Variants in OGDH observed in about 807,000 individuals in gnomAD.
The protein encoded by OGDH is oxoglutarate dehydrogenase.
A neutral mutation model predicts 116.6 loss-of-function variants in OGDH; 38 were observed. That is an observed-to-expected ratio of 0.33 (90% CI 0.25 to 0.43). OGDH has a LOEUF of 0.43. Among genes scored for constraint, OGDH ranks in the 20% least tolerant of loss-of-function variants. OGDH has a pLI of 1.00. For synonymous variants in OGDH, 488 were observed against 533.3 expected, an observed-to-expected ratio of 0.92 and a Z score of 1.17; for missense variants, 825 against 1,357.2, an observed-to-expected ratio of 0.61 and a Z score of 6.16.
chr7:44,647,487 G>A (rs1230189427), intron 3 of OGDH, 170 bp from the exon 4 acceptor site: 3 of 1,539,578 alleles, frequency 1.9e-6, no homozygotes, highest in Non-Finnish European at 2.6e-6. Context: ...CTCGGAATTA[G>A]TTGTGTAAAT....
At chr7:44,641,803 A>C (rs1785955681) in intron 2 of OGDH, among the ~76,000 whole-genome samples, 1 of 152,218 alleles carries the variant, frequency 6.6e-6, no homozygotes, top group Non-Finnish European at 1.5e-5. Flanking sequence ...GAAAAGCTCC[A>C]TGAAGTCAGA....
At chr7:44,635,893 T>TG (rs1397601274) in intron 2 of OGDH, among the ~76,000 whole-genome samples, 1 of 151,974 alleles carries the variant, frequency 6.6e-6, no homozygotes, top group Non-Finnish European at 1.5e-5. Flanking sequence ...TTAGTAGAGA[T>TG]GGGGTTTCAC....
chr7:44,687,437 C>CTTTAA (rs1397265412), intron 10 of OGDH, among the ~76,000 whole-genome samples: 5 of 151,394 alleles, frequency 3.3e-5, no homozygotes, highest in Non-Finnish European at 7.4e-5. Flanking sequence ...AATTTTTAGA[C>CTTTAA]AGGTTCTTAA....
rs534924097 is a variant in OGDH at position 44,639,610 on chromosome 7, C to T, written c.223-5717C>T. ...GCCAAATGTGTGCAGTCACTACACT[C>T]GATACAAAACATTCTATCACTCAAT... On this transcript the variant is annotated intron_variant, in intron 2 of 22. Coordinates refer to ENST00000222673, the MANE Select transcript of OGDH (RefSeq NM_002541.4). Among the ~76,000 whole-genome samples, 7 of 152,320 alleles carry T rather than the reference C, an allele frequency of 4.6e-5. No individual in the cohort carries two copies. In the South Asian group the frequency reaches 1.2e-3, roughly 27 times the overall value.
At chr7:44,616,908 G>A (rs1482293365) in intron 1 of OGDH, among the ~76,000 whole-genome samples, 1 of 122,908 alleles carries the variant, frequency 8.1e-6, no homozygotes, top group East Asian at 2.5e-4. Flanking sequence ...CCGAGATCGC[G>A]CCACTGCACT....
At chr7:44,673,670 A>G (rs1050326579) in intron 5 of OGDH, 117 bp from the exon 6 acceptor site, 30 of 1,002,950 alleles carry the variant, frequency 3.0e-5, no homozygotes, top group Non-Finnish European at 4.5e-5. Context: ...ATTGGAGTAC[A>G]TTTCAGAACA....
Position 44,696,958 on chromosome 7 carries a change from C to T in OGDH, c.1945C>T (p.Arg649Trp), listed in dbSNP as rs1462329100. The T allele has an allele frequency of 1.9e-6, 3 of 1,614,112 alleles. No individual in the cohort carries two copies. The highest frequency in any genetic ancestry group is 1.1e-5 in the South Asian group (1 of 91,072). ...GACTCGTGGGGAAATGGTGAAGAAC[C>T]GGACTGTGGACTGGGCTCTAGCGGA... Reference protein sequence around the residue: ...LKTRGEMVKNRTVDWALAEYM... With the variant: ...LKTRGEMVKNWTVDWALAEYM... The change falls in exon 15 of 23, where the codon CGG becomes TGG. Residue 649 changes from arginine (R) to tryptophan (W), a missense_variant. Transcript: ENST00000222673.
At chr7:44,699,985 TC>T (rs1489541564) in intron 18 of OGDH, among the ~76,000 whole-genome samples, 155 bp from the exon 19 acceptor site, 1 of 151,836 alleles carries the variant, frequency 6.6e-6, no homozygotes, top group African/African-American at 2.4e-5. Flanking sequence ...TCCTAACACC[TC>T]CCACCAGGCC....
At chr7:44,705,048 T>G (rs1171557056) in intron 20 of OGDH, among the ~76,000 whole-genome samples, 1 of 132,842 alleles carries the variant, frequency 7.5e-6, no homozygotes, top group African/African-American at 3.6e-5. Flanking sequence ...AGTTTTTAAT[T>G]TTCTTTTTTT....
intron 1 of OGDH, among the ~76,000 whole-genome samples, chr7:44,620,629 A>C (rs1234861758): frequency 1.2e-4 from 18 of 152,200 alleles, no homozygotes; most frequent in Non-Finnish European, 2.2e-4. Flanking sequence ...TTTAAATAGA[A>C]ATATTCTTTT....
chr7:44,633,597 A>C (rs1785539788), intron 2 of OGDH, among the ~76,000 whole-genome samples: 1 of 152,154 alleles, frequency 6.6e-6, no homozygotes, highest in Non-Finnish European at 1.5e-5. Context: ...TGGGATTCTC[A>C]TATCTCTTCG....
At position 44,696,098 on chromosome 7, in the gene OGDH, T is replaced by G; in HGVS notation, c.1742T>G (p.Ile581Ser). Reference sequence around the variant, plus strand: ...TCTAAAGATGAGAAGATCTTGCACATTAAGCACTGGCTGGACTCTCCCTGG... The same window carrying G: ...TCTAAAGATGAGAAGATCTTGCACAGTAAGCACTGGCTGGACTCTCCCTGG... ...ARSKDEKILH[I>S]KHWLDSPWPG... The change falls in exon 13 of 23, where the codon ATT (isoleucine) becomes AGT (serine). Residue 581 changes from isoleucine to serine, a missense_variant. Transcript: ENST00000222673. 1 of 1,611,976 alleles carries G rather than the reference T, an allele frequency of 6.2e-7. No individual in the cohort carries two copies. The highest frequency in any genetic ancestry group is 1.3e-5 in the African/African-American group (1 of 75,008).
At chr7:44,625,348 C>G (rs1785164382) in intron 2 of OGDH, among the ~76,000 whole-genome samples, 1 of 152,196 alleles carries the variant, frequency 6.6e-6, no homozygotes, top group African/African-American at 2.4e-5. Context: ...TGGTCTTGAA[C>G]CCCTGGCCTC....
chr7:44,615,384 G>T (rs888530970), intron 1 of OGDH, among the ~76,000 whole-genome samples: 3 of 152,134 alleles, frequency 2.0e-5, no homozygotes, highest in Non-Finnish European at 4.4e-5. Flanking sequence ...GAAGGGAGGG[G>T]TGCTGCTTCA....
chr7:44,655,441 G>T (rs1400864485), intron 4 of OGDH, among the ~76,000 whole-genome samples: 1 of 152,198 alleles, frequency 6.6e-6, no homozygotes, highest in Admixed American at 6.5e-5. Flanking sequence ...AAGCAGGCCT[G>T]TTTCTTGGGG....
At chr7:44,705,046 A>ATTTTTTTT (rs1585406047) in intron 20 of OGDH, among the ~76,000 whole-genome samples, 1 of 87,684 alleles carries the variant, frequency 1.1e-5, no homozygotes, top group East Asian at 3.8e-4. Context: ...AAAGTTTTTA[A>ATTTTTTTT]TTTTCTTTTT....
At chr7:44,632,626 TTG>T (rs1785491563) in intron 2 of OGDH, among the ~76,000 whole-genome samples, 2 of 123,836 alleles carry the variant, frequency 1.6e-5, no homozygotes, top group African/African-American at 7.5e-5. Context: ...GTTGTTGTTA[TTG>T]TTGTTTTGAG....
At chr7:44,633,886 C>T (rs916710824) in intron 2 of OGDH, among the ~76,000 whole-genome samples, 4 of 152,206 alleles carry the variant, frequency 2.6e-5, no homozygotes, top group Middle Eastern at 3.4e-3. Flanking sequence ...TAGTTTGAAG[C>T]GTTCTCATTT....
Position 44,675,971 on chromosome 7 carries a change from G to A in OGDH, c.1028G>A (p.Gly343Asp). 6.2e-7 allele frequency: 1 copy of A among 1,613,750 alleles called. No individual in the cohort carries two copies. The highest frequency in any genetic ancestry group is 8.5e-7 in the Non-Finnish European group (1 of 1,179,768). ...FDSKLEAADE[G>D]SGDVKYHLGM... is the part of the protein sequence containing the mutation. ...CAAATTCACTGTTTACCCCATCAGG[G>A]CTCCGGAGATGTGAAGTACCACCTG... The change falls in exon 9 of 23, where the codon GGC (glycine) becomes GAC (aspartate). Residue 343 changes from glycine to aspartate, a missense_variant and splice_region_variant. Around this residue, in one of 7 missense-constraint regions of OGDH, gnomAD observed 5 missense variants for 36.3 expected, o/e 0.14. Transcript: ENST00000222673.
Sources: allele counts gnomAD v4.1 joint callset (sites outside exome capture counted in the v4.1 genomes callset), GRCh38; gene constraint gnomAD v4.1.1; regional missense constraint gnomAD v4.1.1; transcripts MANE v1.5; gene names NCBI Gene and HGNC (gene_info 2026-07-23, HGNC 2026-07-21).